Variants in COLEC10 observed in about 807,000 individuals in gnomAD.
COLEC10 encodes collectin subfamily member 10, also known as collectin-10.
In COLEC10, 22 loss-of-function variants were observed where a neutral mutation model predicts 28.4. The ratio of observed to expected loss-of-function variants is 0.78; its 90% CI spans 0.55 to 1.11. The LOEUF (loss-of-function observed/expected upper bound fraction) is 1.11. Among genes scored for constraint, COLEC10 ranks in the 50% least tolerant of loss-of-function variants. COLEC10 has a pLI of 0.00. For synonymous variants in COLEC10, 125 were observed against 116.1 expected, an observed-to-expected ratio of 1.08 and a Z score of -0.49; for missense variants, 361 against 344.1, an observed-to-expected ratio of 1.05 and a Z score of -0.39.
At chr8:119,061,310 C>T (rs1814850544) in intron 2 of COLEC10, among the ~76,000 whole-genome samples, 2 of 151,404 alleles carry the variant, frequency 1.3e-5, no homozygotes, top group Admixed American at 6.6e-5. Context: ...TATCAGGAGC[C>T]AACACAAGAA....
intron 2 of COLEC10, among the ~76,000 whole-genome samples, chr8:119,025,243 A>G (rs2130116070): frequency 6.6e-6 from 1 of 152,320 alleles, no homozygotes; most frequent in East Asian, 1.9e-4. Flanking sequence ...CACTGAGTGG[A>G]AAATCTGAAA....
the COLEC10 span, among the ~76,000 whole-genome samples, chr8:118,961,972 G>T: frequency 6.6e-6 from 1 of 152,120 alleles, no homozygotes; most frequent in South Asian, 2.1e-4. Flanking sequence ...GTTCTCCAAG[G>T]CCTACTTGTC....
intron 2 of COLEC10, among the ~76,000 whole-genome samples, chr8:119,022,200 A>C (rs1475336352): frequency 2.0e-5 from 3 of 152,184 alleles, no homozygotes; most frequent in Non-Finnish European, 4.4e-5. Flanking sequence ...ATAAATTGTG[A>C]AAAGAGTCTG....
chr8:119,059,925 T>C (rs1484731369), intron 2 of COLEC10, among the ~76,000 whole-genome samples: 1 of 152,148 alleles, frequency 6.6e-6, no homozygotes, highest in Non-Finnish European at 1.5e-5. Flanking sequence ...GATAACTTTA[T>C]CTAGTTTCAT....
At chr8:119,025,414 G>A (rs1218544498) in intron 2 of COLEC10, among the ~76,000 whole-genome samples, 1 of 152,178 alleles carries the variant, frequency 6.6e-6, no homozygotes, top group Non-Finnish European at 1.5e-5. Context: ...TCTGTGCTCT[G>A]TGGGTTCGTG....
the COLEC10 span, among the ~76,000 whole-genome samples, chr8:118,972,433 CA>C: frequency 6.6e-6 from 1 of 151,908 alleles, no homozygotes; most frequent in Non-Finnish European, 1.5e-5. Context: ...ATGTGATTTC[CA>C]AATTTGTATA....
At position 119,036,971 on chromosome 8, in the gene COLEC10, G is replaced by A. The variant is rs535523591; in HGVS notation, n.235+27418G>A. On this transcript the variant is annotated intron_variant and non_coding_transcript_variant, in intron 2 of 6. Coordinates refer to the COLEC10 transcript ENST00000521788. ...TCAATGTTGTTGGGGCTTCCCGTTG[G>A]CTAAAACCAAGCAGAAGCCAGAGCA... is the stretch of plus-strand genomic sequence containing the variant. Among the ~76,000 whole-genome samples the A allele has an allele frequency of 5.9e-5, 9 of 152,198 alleles. No individual in the cohort carries two copies. The South Asian group carries it at 1.9e-3, about 32-fold the overall frequency.
rs192664124 is a variant in COLEC10, at chr8:119,099,093, A to T, written c.293-3255A>T. On this transcript the variant is annotated intron_variant, in intron 3 of 5. Coordinates refer to ENST00000332843, the MANE Select transcript of COLEC10 (RefSeq NM_006438.5). ...CATAGCAAAATAAATGTTTTTATTT[A>T]AGGTCAATAATCCATTTACGCTGAA... 1.1e-3 allele frequency among the ~76,000 whole-genome samples: 172 copies of T among 152,222 alleles called. 1 individual carries two copies. Among genetic ancestry groups the T allele is most frequent in the Non-Finnish European group, 1.9e-3 (129 of 67,980 alleles).
At chr8:119,036,937 G>C (rs1814399592) in intron 2 of COLEC10, among the ~76,000 whole-genome samples, 1 of 152,154 alleles carries the variant, frequency 6.6e-6, no homozygotes, top group Non-Finnish European at 1.5e-5. Flanking sequence ...TAGGTAGAGG[G>C]CTCAGACATC....
chr8:119,014,252 C>T (rs1813949807), intron 2 of COLEC10, among the ~76,000 whole-genome samples: 1 of 150,258 alleles, frequency 6.7e-6, no homozygotes, highest in African/African-American at 2.5e-5. Flanking sequence ...TGCAAGGTTG[C>T]TCTACCGGCA....
At chr8:119,017,689 T>C (rs1229744617) in intron 2 of COLEC10, among the ~76,000 whole-genome samples, 1 of 152,202 alleles carries the variant, frequency 6.6e-6, no homozygotes, top group African/African-American at 2.4e-5. Flanking sequence ...ACCACTGTGA[T>C]TTTAAATAAT....
intron 3 of COLEC10, among the ~76,000 whole-genome samples, chr8:119,091,944 A>T (rs1403952315): frequency 6.6e-6 from 1 of 152,204 alleles, no homozygotes; most frequent in Non-Finnish European, 1.5e-5. Context: ...TAGGCAGAGG[A>T]CAGTAAAATT....
At chr8:119,045,278 A>G (rs1392804843) in intron 2 of COLEC10, among the ~76,000 whole-genome samples, 13 of 152,204 alleles carry the variant, frequency 8.5e-5, no homozygotes, top group Non-Finnish European at 1.8e-4. Context: ...TGTCACTTAT[A>G]TGTCTCATGT....
intron 2 of COLEC10, among the ~76,000 whole-genome samples, chr8:119,046,473 A>G (rs1814590173): frequency 6.6e-6 from 1 of 152,240 alleles, no homozygotes; most frequent in Non-Finnish European, 1.5e-5. Context: ...GGTAGGTATC[A>G]TAAGTCCATA....
At chr8:119,078,375 T>A (rs16891954) in intron 1 of COLEC10, among the ~76,000 whole-genome samples, 8,371 of 152,274 alleles carry the variant, frequency 0.055, 403 homozygotes, top group East Asian at 0.19. Flanking sequence ...GATTTGCTTC[T>A]TAGGCAGAGA....
At chr8:118,955,992 G>C in the COLEC10 span, among the ~76,000 whole-genome samples, 1 of 152,168 alleles carries the variant, frequency 6.6e-6, no homozygotes, top group Non-Finnish European at 1.5e-5. Flanking sequence ...TCAAATTTAA[G>C]CAACAAAAAT....
chr8:119,072,962 T>C (rs1171330708), intron 1 of COLEC10, among the ~76,000 whole-genome samples: 3 of 152,118 alleles, frequency 2.0e-5, no homozygotes, highest in Non-Finnish European at 2.9e-5. Context: ...TTTCCCAAGA[T>C]ACTTCTCAGC....
At chr8:119,045,197 TAC>T (rs1392998995) in intron 2 of COLEC10, among the ~76,000 whole-genome samples, 3 of 152,230 alleles carry the variant, frequency 2.0e-5, no homozygotes, top group Non-Finnish European at 4.4e-5. Flanking sequence ...CCGGCATTAA[TAC>T]AATGTAACAA....
chr8:119,016,888 T>G (rs1375278056), intron 2 of COLEC10, among the ~76,000 whole-genome samples: 2 of 152,096 alleles, frequency 1.3e-5, no homozygotes, highest in Non-Finnish European at 2.9e-5. Context: ...AGCTAATTCT[T>G]GTATTTTTTG....
Sources: gnomAD v4.1 joint callset for allele counts (sites outside exome capture counted in the v4.1 genomes callset) on GRCh38, gnomAD v4.1.1 for gene constraint, MANE v1.5 for transcripts, NCBI Gene and HGNC (gene_info 2026-07-23, HGNC 2026-07-21) for gene names.